MAGI2: variants seen among roughly 807,000 people sequenced by gnomAD.
MAGI2 encodes the protein membrane associated guanylate kinase, WW and PDZ domain containing 2.
MAGI2 carries 35 observed loss-of-function variants against 133.3 expected under a neutral mutation model. That is an observed-to-expected ratio of 0.26 (90% CI 0.20 to 0.35). MAGI2 has a LOEUF of 0.35. MAGI2 is among the 10% of genes least tolerant of loss of function. The probability of loss-of-function intolerance (pLI) is 1.00; values close to 1 mark genes in which losing one functional copy is unlikely to be tolerated. For synonymous variants in MAGI2, 729 were observed against 710.6 expected (o/e 1.03, Z -0.41); for missense variants, 1,636 against 1,863.4 (o/e 0.88, Z 2.25).
intron 2 of MAGI2, among the ~76,000 whole-genome samples, chr7:78,968,013 T>C (rs973556541): frequency 6.6e-6 from 1 of 152,052 alleles, no homozygotes; most frequent in Non-Finnish European, 1.5e-5. Flanking sequence ...GTATTTTTAG[T>C]ACAGAAGGGG....
At chr7:78,026,211 T>A (rs1170589416) in intron 21 of MAGI2, 6 of 152,246 alleles carry the variant, frequency 3.9e-5, no homozygotes, top group African/African-American at 1.4e-4. Flanking sequence ...TCTCAAATTA[T>A]CTTGTAGGAG....
At chr7:78,997,296 T>C (rs1806401011) in intron 2 of MAGI2, among the ~76,000 whole-genome samples, 1 of 152,132 alleles carries the variant, frequency 6.6e-6, no homozygotes, top group South Asian at 2.1e-4. Flanking sequence ...TCCAAACTTC[T>C]GATTTTTGTA....
intron 2 of MAGI2, among the ~76,000 whole-genome samples, chr7:78,757,898 A>G (rs992555158): frequency 6.6e-6 from 1 of 152,180 alleles, no homozygotes; most frequent in African/African-American, 2.4e-5. Context: ...TTTACCATAG[A>G]GTTTGCTCCT....
At chr7:79,443,710 A>G (rs1848650219) in intron 1 of MAGI2, among the ~76,000 whole-genome samples, 1 of 152,236 alleles carries the variant, frequency 6.6e-6, no homozygotes, top group Non-Finnish European at 1.5e-5. Context: ...AATGTAAAGT[A>G]TAAACAGTTT....
At chr7:79,352,460 A>G (rs1358437274) in intron 1 of MAGI2, among the ~76,000 whole-genome samples, 1 of 152,196 alleles carries the variant, frequency 6.6e-6, no homozygotes, top group African/African-American at 2.4e-5. Flanking sequence ...GGTCTCTTAG[A>G]GGTCATGTAG....
chr7:78,725,778 G>A (rs1484445734), intron 2 of MAGI2, among the ~76,000 whole-genome samples: 2 of 152,292 alleles, frequency 1.3e-5, no homozygotes, highest in African/African-American at 2.4e-5. Flanking sequence ...CAGCCTGGGC[G>A]TCAGAGGGAA....
intron 2 of MAGI2, among the ~76,000 whole-genome samples, chr7:78,860,888 C>G (rs1794099334): frequency 6.6e-6 from 1 of 152,166 alleles, no homozygotes; most frequent in Non-Finnish European, 1.5e-5. Context: ...GCAGTGGGCT[C>G]CACCCTGTTG....
intron 1 of MAGI2, among the ~76,000 whole-genome samples, chr7:79,169,691 G>A (rs1197089268): frequency 6.6e-6 from 1 of 151,854 alleles, no homozygotes; most frequent in African/African-American, 2.4e-5. Context: ...ATGTACATGG[G>A]TAGTTTATCA....
intron 2 of MAGI2, among the ~76,000 whole-genome samples, chr7:78,728,808 G>T (rs1298235727): frequency 8.0e-6 from 1 of 124,444 alleles, no homozygotes. Flanking sequence ...CTCGTGATCC[G>T]CCCGCCTCGG....
chr7:78,270,490 T>C (rs1794458109), intron 9 of MAGI2, among the ~76,000 whole-genome samples: 1 of 152,146 alleles, frequency 6.6e-6, no homozygotes, highest in Non-Finnish European at 1.5e-5. Context: ...CCCTTGTAAG[T>C]TGTATTCCTA....
chr7:78,121,511 G>A (rs1453194755), intron 20 of MAGI2, among the ~76,000 whole-genome samples: 8 of 152,214 alleles, frequency 5.3e-5, no homozygotes, highest in East Asian at 3.8e-4. Flanking sequence ...ATATGAATTT[G>A]TAATCAAGAA....
chr7:79,444,993 C>A (rs1236365624), intron 1 of MAGI2, among the ~76,000 whole-genome samples: 1 of 152,058 alleles, frequency 6.6e-6, no homozygotes, highest in Non-Finnish European at 1.5e-5. Flanking sequence ...CAGAACAGAG[C>A]CCTCAGAAAT....
chr7:78,832,340 T>G (rs1420135084), intron 2 of MAGI2, among the ~76,000 whole-genome samples: 2 of 152,166 alleles, frequency 1.3e-5, no homozygotes, highest in Non-Finnish European at 2.9e-5. Flanking sequence ...ATGTCTACCA[T>G]GCAGTTTTTA....
At chr7:79,405,546 C>T (rs78198974) in intron 1 of MAGI2, among the ~76,000 whole-genome samples, 20 of 152,206 alleles carry the variant, frequency 1.3e-4, no homozygotes, top group African/African-American at 4.8e-4. Flanking sequence ...CCTAACTCCA[C>T]TGTTTACTCT....
At chr7:78,155,498 C>A (rs1270392695) in intron 16 of MAGI2, among the ~76,000 whole-genome samples, 1 of 152,166 alleles carries the variant, frequency 6.6e-6, no homozygotes, top group African/African-American at 2.4e-5. Flanking sequence ...GTGGTCTAAG[C>A]TACCCAGGAG....
Position 78,919,179 on chromosome 7 carries a change from T to A in MAGI2, c.418+87911A>T, listed in dbSNP as rs373228361. 3.3e-4 allele frequency among the ~76,000 whole-genome samples: 50 copies of A among 152,240 alleles called. No homozygotes were observed. In the South Asian group the frequency reaches 5.8e-3, roughly 18 times the overall value. On this transcript the variant is annotated intron_variant, in intron 2 of 21. Coordinates refer to ENST00000354212, the MANE Select transcript of MAGI2 (RefSeq NM_012301.4). The stretch of plus-strand genomic sequence containing the variant: ...TTCACTGTGTCTTTGTAATGTAGTC[T>A]TGTTAAGGATGGGAACAATTCTTCT...
intron 1 of MAGI2, among the ~76,000 whole-genome samples, chr7:79,074,836 T>C (rs772985305): frequency 7.2e-5 from 11 of 152,186 alleles, no homozygotes; most frequent in Admixed American, 2.0e-4. Flanking sequence ...TCTGTTAGGG[T>C]GAATTCAGCT....
chr7:78,168,237 G>A, intron 14 of MAGI2, 129 bp from the exon 15 acceptor site: 1 of 706,896 alleles, frequency 1.4e-6, no homozygotes, highest in Non-Finnish European at 2.3e-6. Flanking sequence ...CTCACTGCAA[G>A]CTCTGCCTCC....
intron 2 of MAGI2, among the ~76,000 whole-genome samples, chr7:78,979,352 C>G (rs1013382666): frequency 5.9e-5 from 8 of 135,544 alleles, no homozygotes; most frequent in East Asian, 2.0e-4. Flanking sequence ...TCAAAAAAGT[C>G]CCCCCCCAGC....
Sources: allele counts gnomAD v4.1 joint callset (sites outside exome capture counted in the v4.1 genomes callset), GRCh38; gene constraint gnomAD v4.1.1; transcripts MANE v1.5; gene names NCBI Gene and HGNC (gene_info 2026-07-23, HGNC 2026-07-21).